Variants in RGS6 observed in about 807,000 individuals in gnomAD.
RGS6 encodes the protein regulator of G-protein signaling 6.
RGS6 carries 30 observed loss-of-function variants against 78.5 expected under a neutral mutation model. The ratio of observed to expected loss-of-function variants is 0.38; its 90% CI spans 0.29 to 0.52. The LOEUF is 0.52. Ranked by LOEUF, RGS6 falls within the 20% of genes least tolerant of loss-of-function variation. The pLI, the probability that RGS6 is intolerant of heterozygous loss-of-function variation, is 0.85. For missense variants in RGS6, 495 were observed against 609.7 expected, an observed-to-expected ratio of 0.81 and a Z score of 1.98; for synonymous variants, 206 against 206.0, an observed-to-expected ratio of 1.00 and a Z score of 0.00.
chr14:72,215,412 A>G (rs1176413317), intron 2 of RGS6, among the ~76,000 whole-genome samples: 1 of 152,236 alleles, frequency 6.6e-6, no homozygotes, highest in Non-Finnish European at 1.5e-5. Context: ...CCATAAAGAA[A>G]TAGCACTTGA....
chr14:72,276,535 CA>C (rs991950482), intron 2 of RGS6, among the ~76,000 whole-genome samples: 2 of 152,202 alleles, frequency 1.3e-5, no homozygotes, highest in African/African-American at 4.8e-5. Flanking sequence ...ACCCAACTCT[CA>C]TCTTGAATTG....
intron 14 of RGS6, among the ~76,000 whole-genome samples, chr14:72,516,213 G>A (rs1171127681): frequency 6.6e-6 from 1 of 152,238 alleles, no homozygotes; most frequent in African/African-American, 2.4e-5. Flanking sequence ...AGAAAGCCTT[G>A]TAGGTACTCT....
Position 72,497,036 on chromosome 14 carries a change from C to A in RGS6, c.965+1774C>A, listed in dbSNP as rs141740049. On this transcript the variant is annotated intron_variant, in intron 13 of 17. Coordinates refer to ENST00000553525, the MANE Select transcript of RGS6 (RefSeq NM_001204424.2). Reference sequence around the variant, plus strand: ...ATTTAGCTTATGTCCTCCTTTTTTGCCACCATAAACAATGATTCCGGGAAC... The same window carrying A: ...ATTTAGCTTATGTCCTCCTTTTTTGACACCATAAACAATGATTCCGGGAAC... 5.1e-3 allele frequency among the ~76,000 whole-genome samples: 777 copies of A among 152,110 alleles called. 11 individuals are homozygous for A. Among genetic ancestry groups the A allele is most frequent in the South Asian group, 0.021 (99 of 4,822 alleles).
chr14:72,619,135 G>A, the RGS6 span, among the ~76,000 whole-genome samples: 1 of 152,220 alleles, frequency 6.6e-6, no homozygotes, highest in Non-Finnish European at 1.5e-5. Flanking sequence ...GAGGTCAGGA[G>A]ATGCCTCACC....
chr14:72,001,998 GCT>G (rs2083555345), intron 2 of RGS6, among the ~76,000 whole-genome samples: 2 of 148,942 alleles, frequency 1.3e-5, no homozygotes, highest in Non-Finnish European at 3.0e-5. Flanking sequence ...TATCTCCTGG[GCT>G]CAAGTGATCC....
At chr14:72,596,967 G>GGT in the RGS6 span, among the ~76,000 whole-genome samples, 1 of 152,268 alleles carries the variant, frequency 6.6e-6, no homozygotes, top group South Asian at 2.1e-4. Context: ...GGCCAGGCAC[G>GGT]GTGGCTCACG....
upstream of RGS6, among the ~76,000 whole-genome samples, chr14:71,931,258 C>A (rs1446274733): frequency 6.6e-6 from 1 of 152,060 alleles, no homozygotes; most frequent in African/African-American, 2.4e-5. Context: ...CCCCCCACCC[C>A]CCGCCTTTCT....
chr14:72,623,696 A>G, the RGS6 span, among the ~76,000 whole-genome samples: 1 of 152,256 alleles, frequency 6.6e-6, no homozygotes, highest in Non-Finnish European at 1.5e-5. Context: ...AACTGGATGC[A>G]TCAGTATAAA....
At chr14:72,094,543 C>T (rs550880514) in intron 2 of RGS6, among the ~76,000 whole-genome samples, 1 of 152,210 alleles carries the variant, frequency 6.6e-6, no homozygotes, top group East Asian at 1.9e-4. Context: ...AATTTATTAT[C>T]CATCAAGAGT....
intron 15 of RGS6, among the ~76,000 whole-genome samples, chr14:72,535,151 G>A (rs1009686840): frequency 1.4e-4 from 21 of 152,298 alleles, no homozygotes; most frequent in East Asian, 5.8e-4. Context: ...GTTTGGAAGG[G>A]ACCACAAGAT....
intron 2 of RGS6, among the ~76,000 whole-genome samples, chr14:72,057,998 C>G (rs1259861488): frequency 6.6e-6 from 1 of 152,116 alleles, no homozygotes; most frequent in East Asian, 1.9e-4. Flanking sequence ...TGAGTGACTG[C>G]CACTAAACCC....
At chr14:72,124,576 T>A (rs146944017) in intron 2 of RGS6, among the ~76,000 whole-genome samples, 302 of 152,358 alleles carry the variant, frequency 2.0e-3, no homozygotes, top group African/African-American at 6.9e-3. Context: ...ATTAACAGTT[T>A]ACCCTAGATT....
At chr14:72,396,657 G>C (rs370251501) in intron 3 of RGS6, among the ~76,000 whole-genome samples, 7 of 152,214 alleles carry the variant, frequency 4.6e-5, no homozygotes, top group Admixed American at 1.3e-4. Context: ...AGGTTTTCTT[G>C]TAGGGTTTTT....
the RGS6 span, among the ~76,000 whole-genome samples, chr14:72,572,723 T>C: frequency 6.6e-6 from 1 of 152,190 alleles, no homozygotes; most frequent in South Asian, 2.1e-4. Flanking sequence ...TAAAATTTAT[T>C]GTAGTGATGT....
chr14:72,350,731 G>A (rs2078959407), intron 2 of RGS6, among the ~76,000 whole-genome samples: 1 of 152,052 alleles, frequency 6.6e-6, no homozygotes, highest in African/African-American at 2.4e-5. Context: ...TGACATTTGG[G>A]GGGTTATTTG....
At chr14:71,885,650 G>T in the RGS6 span, among the ~76,000 whole-genome samples, 1 of 152,214 alleles carries the variant, frequency 6.6e-6, no homozygotes, top group Non-Finnish European at 1.5e-5. Context: ...GAGGCTGTTG[G>T]AGAGTCTAAA....
At chr14:72,273,611 T>C (rs919791401) in intron 2 of RGS6, among the ~76,000 whole-genome samples, 1 of 152,238 alleles carries the variant, frequency 6.6e-6, no homozygotes, top group Non-Finnish European at 1.5e-5. Flanking sequence ...CAGCAGCTGA[T>C]AAACATTCTT....
At chr14:71,996,565 C>T (rs1183914134) in intron 2 of RGS6, among the ~76,000 whole-genome samples, 3 of 152,108 alleles carry the variant, frequency 2.0e-5, no homozygotes, top group South Asian at 4.1e-4. Flanking sequence ...GGGGGATCAT[C>T]AGACTTGTCA....
intron 2 of RGS6, among the ~76,000 whole-genome samples, chr14:72,191,274 G>C (rs576368759): frequency 6.6e-6 from 1 of 152,022 alleles, no homozygotes; most frequent in African/African-American, 2.4e-5. Flanking sequence ...GCAAACTTTC[G>C]TCCACACCTG....
Sources: allele counts gnomAD v4.1 joint callset (sites outside exome capture counted in the v4.1 genomes callset), GRCh38; gene constraint gnomAD v4.1.1; transcripts MANE v1.5; gene names NCBI Gene and HGNC (gene_info 2026-07-23, HGNC 2026-07-21).